NUP210: variants seen among roughly 807,000 people sequenced by gnomAD.
NUP210 encodes nuclear pore membrane glycoprotein 210.
In NUP210, 151 loss-of-function variants were observed where a neutral mutation model predicts 196.0. The ratio of observed to expected loss-of-function variants is 0.77; its 90% CI spans 0.67 to 0.88. The LOEUF (loss-of-function observed/expected upper bound fraction) is 0.88, where lower values mean the gene tolerates loss of function less well. NUP210 is among the 40% of genes least tolerant of loss of function. The probability of loss-of-function intolerance (pLI) is 0.00; values close to 1 mark genes in which losing one functional copy is unlikely to be tolerated. For synonymous variants in NUP210, 1,070 were observed against 1,052.7 expected (o/e 1.02, Z -0.32); for missense variants, 2,314 against 2,493.7 (o/e 0.93, Z 1.53).
chr3:13,392,517 G>A (rs147462757), intron 3 of NUP210, among the ~76,000 whole-genome samples: 2 of 152,316 alleles, frequency 1.3e-5, no homozygotes, highest in East Asian at 3.9e-4. Flanking sequence ...AACATCCAGG[G>A]CATTAGGTGA....
intron 6 of NUP210, among the ~76,000 whole-genome samples, chr3:13,383,223 G>A (rs1032122266): frequency 1.3e-5 from 2 of 152,194 alleles, no homozygotes; most frequent in African/African-American, 4.8e-5. Flanking sequence ...AGTTTTGCTA[G>A]CTCGGCCCCT....
chr3:13,373,667 G>A (rs1329874936), intron 12 of NUP210, 51 bp downstream of exon 12: 1 of 1,595,046 alleles, frequency 6.3e-7, no homozygotes, highest in African/African-American at 1.3e-5. Context: ...GGGGGCGGCT[G>A]GAGACCACCA....
At position 13,348,016 on chromosome 3, in the gene NUP210, T is replaced by C. The variant is rs1402743761; in HGVS notation, c.2835+3863A>G. Among the ~76,000 whole-genome samples, 2 of 152,182 alleles carry C rather than the reference T, an allele frequency of 1.3e-5. No individual in the cohort carries two copies. The highest frequency in any genetic ancestry group is 4.8e-5 in the African/African-American group (2 of 41,440). ...CTGTGGCACGGGCTGCTGCTTGCCA[T>C]AGGGGAGACTCGTCCCGGGTCCTGC... On this transcript the variant is annotated intron_variant, in intron 20 of 39. Coordinates refer to ENST00000254508, the MANE Select transcript of NUP210 (RefSeq NM_024923.4). This position sits in a 1 kb window ranked among gnomAD's most constrained non-coding sequence, Gnocchi z 4.0.
chr3:13,336,786 C>A lies in NUP210; in HGVS notation c.3684+1G>T. ...GAGCTCTGGAGGGGGTGGTTACCTA[C>A]CTCGTGGTGCCGCCCTCGGAGGTCC... On this transcript the variant is annotated splice_donor_variant, in intron 27 of 39. Coordinates refer to ENST00000254508, the MANE Select transcript of NUP210 (RefSeq NM_024923.4). LOFTEE classifies it high-confidence loss of function. 1 of 1,612,874 alleles carries A rather than the reference C, an allele frequency of 6.2e-7. No individual in the cohort carries two copies. Among genetic ancestry groups the A allele is most frequent in the Non-Finnish European group, 8.5e-7 (1 of 1,179,444 alleles).
chr3:13,405,514 AT>A (rs1364243869), intron 1 of NUP210, among the ~76,000 whole-genome samples: 1 of 151,866 alleles, frequency 6.6e-6, no homozygotes, highest in African/African-American at 2.4e-5. Flanking sequence ...TGTATAAGAT[AT>A]ATATATATAG....
chr3:13,414,023 C>T (rs1277799154), intron 1 of NUP210, among the ~76,000 whole-genome samples: 4 of 152,256 alleles, frequency 2.6e-5, no homozygotes, highest in Non-Finnish European at 4.4e-5. Context: ...AATGTGCTGG[C>T]GTCTGGCAGG....
chr3:13,328,506 G>A (rs1444865088), intron 31 of NUP210, among the ~76,000 whole-genome samples: 1 of 152,222 alleles, frequency 6.6e-6, no homozygotes, highest in Non-Finnish European at 1.5e-5. Flanking sequence ...TGTGCCTCGG[G>A]GAGCACTCCC....
At chr3:13,377,403 T>C (rs1478277818) in intron 9 of NUP210, 53 bp downstream of exon 9, 32 of 1,329,898 alleles carry the variant, frequency 2.4e-5, no homozygotes, top group Non-Finnish European at 3.5e-5. Context: ...AGCAGCCGCG[T>C]CAGACAACGA....
At position 13,352,069 on chromosome 3, in the gene NUP210, AAGGACT is replaced by A. The variant is rs778286427; in HGVS notation, c.2733+5_2733+10del. 4 of 1,612,344 alleles carry A rather than the reference AAGGACT, an allele frequency of 2.5e-6. No individual in the cohort carries two copies. In the East Asian group the frequency reaches 8.9e-5, roughly 36 times the overall value. ...GTCTTGCCCAGGAAGGTGGCAGGGC[AAGGACT>A]GTACCTGGATGCCAGGGTGGTTGTA... On this transcript the variant is annotated splice_donor_5th_base_variant and intron_variant, in intron 19 of 39. Coordinates refer to ENST00000254508, the MANE Select transcript of NUP210 (RefSeq NM_024923.4).
chr3:13,348,661 G>A lies in NUP210; in HGVS notation c.2835+3218C>T. 1 of 985,396 alleles carries A rather than the reference G, an allele frequency of 1.0e-6. No individual in the cohort carries two copies. Among genetic ancestry groups the A allele is most frequent in the Non-Finnish European group, 1.2e-6 (1 of 829,938 alleles). 61.0% of individuals were successfully genotyped at this position (985,396 alleles called of 1,614,324 possible). On this transcript the variant is annotated intron_variant, in intron 20 of 39. Transcript: ENST00000254508. The surrounding 1 kb of genome is among the most constrained non-coding windows in gnomAD (Gnocchi z 4.0). ...GAATGCTTAGGAGACGCTGCTTGTG[G>A]TCTCAGGCTCCTCGCCTCCTCCAGT...
chr3:13,401,151 C>T (rs987475829), intron 1 of NUP210, among the ~76,000 whole-genome samples: 11 of 140,036 alleles, frequency 7.9e-5, no homozygotes, highest in African/African-American at 1.1e-4. Context: ...CCCAGCTACT[C>T]GGTAGGCTGA....
Position 13,340,079 on chromosome 3 carries a change from G to A in NUP210, c.3292-46C>T. On this transcript the variant is annotated intron_variant, in intron 24 of 39. Transcript: ENST00000254508. The surrounding 1 kb of genome is among the most constrained non-coding windows in gnomAD (Gnocchi z 4.0). ...GGCGTGTCAGTGCCCGTCATGCCAG[G>A]CAGCCCGCACCTCCCACTCAGAGAG... 1 of 1,605,584 alleles carries A rather than the reference G, an allele frequency of 6.2e-7. No homozygotes were observed. Among genetic ancestry groups the A allele is most frequent in the Non-Finnish European group, 8.5e-7 (1 of 1,174,404 alleles).
intron 16 of NUP210, 116 bp from the exon 17 acceptor site, chr3:13,354,223 A>AGGGAAT (rs1698088770): frequency 1.2e-6 from 1 of 849,538 alleles, no homozygotes; most frequent in Non-Finnish European, 1.8e-6. Context: ...GGTGCTGGTG[A>AGGGAAT]GGGAATGGGA....
chr3:13,403,846 G>A (rs1160407300), intron 1 of NUP210, among the ~76,000 whole-genome samples: 1 of 152,176 alleles, frequency 6.6e-6, no homozygotes, highest in Non-Finnish European at 1.5e-5. Flanking sequence ...CAGGGCCTGG[G>A]GCTTGATCCC....
rs924269975 is a variant in NUP210 at position 13,375,421 on chromosome 3, C to T, written c.1431+83G>A. ...TCTCCACAACCACTAGAGAGTAATACTAAAAGTAATAGAATGGACAAAAAG... is the reference window on the plus strand; with the variant it reads ...TCTCCACAACCACTAGAGAGTAATATTAAAAGTAATAGAATGGACAAAAAG... On this transcript the variant is annotated intron_variant, in intron 11 of 39. Coordinates refer to ENST00000254508, the MANE Select transcript of NUP210 (RefSeq NM_024923.4). 8.1e-6 allele frequency: 11 copies of T among 1,358,736 alleles called. No homozygotes were observed. In the African/African-American group the frequency reaches 1.3e-4, roughly 16 times the overall value. 84.2% of individuals were successfully genotyped at this position (1,358,736 alleles called of 1,614,324 possible). A position where few individuals can be genotyped will look rare whatever the true frequency, so the allele number is the denominator to read the frequency against.
intron 1 of NUP210, among the ~76,000 whole-genome samples, chr3:13,415,470 A>G (rs1700317750): frequency 6.6e-6 from 1 of 152,182 alleles, no homozygotes; most frequent in African/African-American, 2.4e-5. Context: ...TGTGACTCTA[A>G]GGCCAGGCAT....
intron 26 of NUP210, 42 bp from the exon 27 acceptor site, chr3:13,336,960 C>A: frequency 1.2e-6 from 2 of 1,609,640 alleles, no homozygotes; most frequent in Non-Finnish European, 8.5e-7. Flanking sequence ...TAGCTCCCAG[C>A]ACTGGGAATG....
Position 13,335,486 on chromosome 3 carries a change from C to T in NUP210, c.3811G>A (p.Ala1271Thr). 6.2e-7 allele frequency: 1 copy of T among 1,614,058 alleles called. No homozygotes were observed. The highest frequency in any genetic ancestry group is 8.5e-7 in the Non-Finnish European group (1 of 1,179,988). ...DPTSGQLYGL[A>T]RELSDEIQVQ... Reference sequence around the variant, plus strand: ...TGGATCTCATCCGAGAGTTCTCTGGCCAGGCCATACAGCTGCCCCGATGTG... The same window carrying T: ...TGGATCTCATCCGAGAGTTCTCTGGTCAGGCCATACAGCTGCCCCGATGTG... The change falls in exon 28 of 40, where the codon GCC becomes ACC. Residue 1271 changes from alanine (A) to threonine (T), a missense_variant. Ala to Thr is a moderately conservative substitution (Grantham distance 58). Coordinates refer to ENST00000254508, the MANE Select transcript of NUP210 (RefSeq NM_024923.4).
Position 13,379,794 on chromosome 3 carries a change from C to T in NUP210, c.818-73G>A. ...AGGAAATGTTAGAAGCCAATACACT[C>T]CCACTGCCACCCCGAATCTCTGCAC... On this transcript the variant is annotated intron_variant, in intron 6 of 39. Coordinates refer to ENST00000254508, the MANE Select transcript of NUP210 (RefSeq NM_024923.4). The surrounding 1 kb of genome is among the most constrained non-coding windows in gnomAD (Gnocchi z 4.2). 7.8e-7 allele frequency: 1 copy of T among 1,283,656 alleles called. No homozygotes were observed. 79.5% of individuals were successfully genotyped at this position (1,283,656 alleles called of 1,614,324 possible).
Sources: gnomAD v4.1 joint callset for allele counts (sites outside exome capture counted in the v4.1 genomes callset) on GRCh38, gnomAD v4.1.1 for gene constraint, Gnocchi (gnomAD v3.1) non-coding constraint, MANE v1.5 for transcripts, NCBI Gene and HGNC (gene_info 2026-07-23, HGNC 2026-07-21) for gene names.